The following GSDMC variants were observed in gnomAD, a reference collection of about 807,000 sequenced individuals.
The protein encoded by GSDMC is gasdermin C.
In GSDMC, 59 loss-of-function variants were observed where a neutral mutation model predicts 58.0. The observed-to-expected ratio is 1.02, with a 90% CI of 0.82 to 1.26. The LOEUF (loss-of-function observed/expected upper bound fraction) is 1.26. Among genes scored for constraint, GSDMC ranks in the 50% most tolerant of loss-of-function variants. The pLI is 0.00. For missense variants in GSDMC, 659 were observed against 598.5 expected (o/e 1.10, Z -1.06); for synonymous variants, 241 against 220.2 (o/e 1.09, Z -0.83).
the GSDMC span, among the ~76,000 whole-genome samples, chr8:129,709,817 C>G: frequency 6.6e-6 from 1 of 152,190 alleles, no homozygotes; most frequent in Non-Finnish European, 1.5e-5. Flanking sequence ...AATCTCTTTC[C>G]TACAATAAGG....
Position 129,762,493 on chromosome 8 carries a change from T to A in GSDMC, c.676+133A>T. On this transcript the variant is annotated intron_variant, in intron 5 of 13. Coordinates refer to ENST00000276708, the MANE Select transcript of GSDMC (RefSeq NM_031415.3). ...GGTGTGTGCCCTGGACAGTAAGAAA[T>A]GTGCATGCTTCTCCTTGGATAGGCA... 3 of 703,504 alleles carry A rather than the reference T, an allele frequency of 4.3e-6. No individual in the cohort carries two copies. In the East Asian group the frequency reaches 7.4e-5, roughly 17 times the overall value. 43.6% of individuals were successfully genotyped at this position (703,504 alleles called of 1,614,324 possible). A position where few individuals can be genotyped will look rare whatever the true frequency, so the allele number is the denominator to read the frequency against.
the GSDMC span, among the ~76,000 whole-genome samples, chr8:129,707,739 A>G: frequency 6.6e-6 from 1 of 152,268 alleles, no homozygotes; most frequent in Non-Finnish European, 1.5e-5. Flanking sequence ...GAGTAAGGAA[A>G]GACTTCAAGG....
At chr8:129,742,094 CATAGAA>C in the GSDMC span, among the ~76,000 whole-genome samples, 11,124 of 151,644 alleles carry the variant, frequency 0.073, 687 homozygotes, top group East Asian at 0.25. Flanking sequence ...AAGTTAAACT[CATAGAA>C]ATAGAGAGTA....
chr8:129,731,602 T>C, the GSDMC span, among the ~76,000 whole-genome samples: 1 of 152,330 alleles, frequency 6.6e-6, no homozygotes, highest in South Asian at 2.1e-4. Context: ...AAGGTATCTG[T>C]TGGAGGATTC....
chr8:129,782,328 A>G (rs1295899449), intron 1 of GSDMC, among the ~76,000 whole-genome samples: 1 of 152,182 alleles, frequency 6.6e-6, no homozygotes, highest in Non-Finnish European at 1.5e-5. Context: ...AGCAGCCCAA[A>G]CCCAAAATTA....
At chr8:129,742,669 ACTCT>A in the GSDMC span, among the ~76,000 whole-genome samples, 1 of 151,750 alleles carries the variant, frequency 6.6e-6, no homozygotes, top group Non-Finnish European at 1.5e-5. Context: ...CATGCTGGAA[ACTCT>A]CTCAAGACAG....
intron 1 of GSDMC, among the ~76,000 whole-genome samples, chr8:129,782,187 C>T (rs1361150142): frequency 1.3e-5 from 2 of 151,598 alleles, no homozygotes; most frequent in Non-Finnish European, 3.0e-5. Context: ...TGCAAACATA[C>T]CAAAACCCAT....
At chr8:129,770,984 T>C (rs920740020) in intron 3 of GSDMC, among the ~76,000 whole-genome samples, 7 of 151,006 alleles carry the variant, frequency 4.6e-5, no homozygotes, top group Non-Finnish European at 1.0e-4. Context: ...AGGGTGGCCA[T>C]ACTTACACAG....
intron 4 of GSDMC, 23 bp downstream of exon 4, chr8:129,765,605 C>A (rs2033827426): frequency 6.3e-7 from 1 of 1,595,378 alleles, no homozygotes; most frequent in East Asian, 2.2e-5. Flanking sequence ...GAATTTCAAT[C>A]CCACTTCAGG....
At chr8:129,772,554 A>G (rs144730548) in intron 3 of GSDMC, among the ~76,000 whole-genome samples, 1 of 152,146 alleles carries the variant, frequency 6.6e-6, no homozygotes, top group African/African-American at 2.4e-5. Flanking sequence ...GAAACATATG[A>G]TCTATTGAGA....
chr8:129,705,894 G>A, the GSDMC span, among the ~76,000 whole-genome samples: 1 of 152,152 alleles, frequency 6.6e-6, no homozygotes, highest in African/African-American at 2.4e-5. Context: ...AGGATGCTTG[G>A]CACTAAGGTC....
the GSDMC span, among the ~76,000 whole-genome samples, chr8:129,720,110 T>C: frequency 2.0e-5 from 3 of 152,190 alleles, no homozygotes; most frequent in South Asian, 4.1e-4. Flanking sequence ...GTAACTATTA[T>C]AATGTGCTCA....
At chr8:129,775,212 A>G (rs2034183462) in intron 3 of GSDMC, among the ~76,000 whole-genome samples, 1 of 152,222 alleles carries the variant, frequency 6.6e-6, no homozygotes, top group Non-Finnish European at 1.5e-5. Context: ...GTATGTGTAT[A>G]CGACGGAATA....
At chr8:129,770,641 C>A (rs2034017246) in intron 3 of GSDMC, among the ~76,000 whole-genome samples, 1 of 151,596 alleles carries the variant, frequency 6.6e-6, no homozygotes, top group Non-Finnish European at 1.5e-5. Flanking sequence ...ATTAGATATG[C>A]AAAAGATTAA....
intron 3 of GSDMC, among the ~76,000 whole-genome samples, chr8:129,767,473 T>C (rs1454389622): frequency 6.6e-6 from 1 of 152,072 alleles, no homozygotes; most frequent in Non-Finnish European, 1.5e-5. Flanking sequence ...CCCTGCCTCA[T>C]GAAGGAGCCT....
chr8:129,781,810 C>A (rs2034423309), intron 1 of GSDMC, among the ~76,000 whole-genome samples: 1 of 151,620 alleles, frequency 6.6e-6, no homozygotes, highest in Non-Finnish European at 1.5e-5. Context: ...GGACAGATCT[C>A]CCAGACAGAA....
chr8:129,757,973 C>A (rs2033507932), intron 6 of GSDMC, among the ~76,000 whole-genome samples: 1 of 151,856 alleles, frequency 6.6e-6, no homozygotes, highest in South Asian at 2.1e-4. Flanking sequence ...GCCTGAGCAA[C>A]AAAGTAAAAC....
rs1371994370 is a variant in GSDMC, at chr8:129,749,447, C to A, written c.1287+5G>T. ...CTGAACTTCTGGCCCCTGGGAAGTTCTCACCAGCTCCTGTTGCTGAAGCAG... is the reference window on the plus strand; with the variant it reads ...CTGAACTTCTGGCCCCTGGGAAGTTATCACCAGCTCCTGTTGCTGAAGCAG... On this transcript the variant is annotated splice_donor_5th_base_variant and intron_variant, in intron 13 of 13. Transcript: ENST00000276708. The A allele has an allele frequency of 6.8e-6, 11 of 1,607,796 alleles. No homozygotes were observed. Among genetic ancestry groups the A allele is most frequent in the Non-Finnish European group, 7.7e-6 (9 of 1,174,316 alleles).
chr8:129,724,107 A>T, the GSDMC span, among the ~76,000 whole-genome samples: 1 of 152,176 alleles, frequency 6.6e-6, no homozygotes, highest in Non-Finnish European at 1.5e-5. Flanking sequence ...TTGAGAGGGC[A>T]CTCAAGCCAT....
Sources: gnomAD v4.1 joint callset for allele counts (sites outside exome capture counted in the v4.1 genomes callset) on GRCh38, gnomAD v4.1.1 for gene constraint, MANE v1.5 for transcripts, NCBI Gene and HGNC (gene_info 2026-07-23, HGNC 2026-07-21) for gene names.